The following PPP2R2A variants were observed in gnomAD, a reference collection of about 807,000 sequenced individuals.
PPP2R2A encodes protein phosphatase 2 regulatory subunit Balpha.
In PPP2R2A, 9 loss-of-function variants were observed where a neutral mutation model predicts 53.2. The observed-to-expected ratio is 0.17, with a 90% CI of 0.10 to 0.30. The LOEUF (loss-of-function observed/expected upper bound fraction) is 0.30. PPP2R2A is among the 10% of genes least tolerant of loss of function. The probability of loss-of-function intolerance (pLI) is 1.00; values close to 1 mark genes in which losing one functional copy is unlikely to be tolerated. For missense variants in PPP2R2A, 235 were observed against 534.6 expected (o/e 0.44, Z 5.53); for synonymous variants, 169 against 174.2 (o/e 0.97, Z 0.23).
chr8:26,366,588 A>T (rs1441227758), intron 9 of PPP2R2A, among the ~76,000 whole-genome samples, 182 bp downstream of exon 9: 2 of 152,248 alleles, frequency 1.3e-5, no homozygotes, highest in African/African-American at 4.8e-5. Context: ...ATATAAAAGT[A>T]CACAAATTCT....
intron 2 of PPP2R2A, among the ~76,000 whole-genome samples, chr8:26,331,577 T>C (rs556829611): frequency 3.3e-5 from 5 of 152,188 alleles, no homozygotes; most frequent in Non-Finnish European, 7.4e-5. Context: ...CTAGTAGAGC[T>C]TTACAGGAAG....
chr8:26,291,892 C>A, intron 1 of PPP2R2A, 66 bp downstream of exon 1: 3 of 1,593,046 alleles, frequency 1.9e-6, no homozygotes, highest in Non-Finnish European at 2.6e-6. Context: ...TCCATCACCC[C>A]CTAGCGACCG....
chr8:26,327,451 CT>C (rs1159410306), intron 2 of PPP2R2A, among the ~76,000 whole-genome samples: 1 of 152,182 alleles, frequency 6.6e-6, no homozygotes, highest in Non-Finnish European at 1.5e-5. Context: ...GCTTTATTCA[CT>C]TTTAAGGAGG....
At chr8:26,336,992 A>G (rs1052470971) in intron 2 of PPP2R2A, among the ~76,000 whole-genome samples, 2 of 152,012 alleles carry the variant, frequency 1.3e-5, no homozygotes, top group African/African-American at 4.8e-5. Flanking sequence ...TTACTAAGTG[A>G]TAGTTGTAAC....
intron 9 of PPP2R2A, among the ~76,000 whole-genome samples, chr8:26,367,231 GAGTTCTGTTAAT>G (rs1318674455): frequency 6.6e-6 from 1 of 152,032 alleles, no homozygotes; most frequent in Non-Finnish European, 1.5e-5. Context: ...AGTAAACCTA[GAGTTCTGTTAAT>G]AGCAAACATT....
intron 1 of PPP2R2A, chr8:26,292,485 A>T: frequency 1.0e-6 from 1 of 968,588 alleles, no homozygotes; most frequent in Non-Finnish European, 1.2e-6. Context: ...TGCGTTTAGC[A>T]TGTTAGCTTT....
At chr8:26,347,870 T>C (rs897523210) in intron 3 of PPP2R2A, among the ~76,000 whole-genome samples, 4 of 152,186 alleles carry the variant, frequency 2.6e-5, no homozygotes, top group Non-Finnish European at 5.9e-5. Context: ...ACTATCGTTA[T>C]CATTAGTTTA....
intron 3 of PPP2R2A, among the ~76,000 whole-genome samples, chr8:26,348,217 C>T (rs1303862625): frequency 6.6e-6 from 1 of 152,082 alleles, no homozygotes; most frequent in Non-Finnish European, 1.5e-5. Flanking sequence ...AAGTAAAATA[C>T]ATTTATTATT....
chr8:26,354,350 A>G lies in PPP2R2A; in HGVS notation c.181-118A>G, dbSNP rs1563318860. 1.3e-6 allele frequency: 1 copy of G among 741,748 alleles called. No individual in the cohort carries two copies. Among genetic ancestry groups the G allele is most frequent in the African/African-American group, 1.8e-5 (1 of 55,202 alleles). The allele number at this position is 741,748 out of a possible 1,614,324, so 45.9% of individuals were successfully genotyped here. ...AATATAAAAAACAGAATGTAATTGT[A>G]TAAAGACACAACTAATGGGGTATTG... On this transcript the variant is annotated intron_variant, in intron 3 of 9. Transcript: ENST00000380737. The surrounding 1 kb of genome is among the most constrained non-coding windows in gnomAD (Gnocchi z 4.6).
chr8:26,364,429 T>G (rs17055163), intron 8 of PPP2R2A, among the ~76,000 whole-genome samples: 30,722 of 152,104 alleles, frequency 0.2, 3,450 homozygotes, highest in African/African-American at 0.31. Context: ...AGTTCTTGAT[T>G]CTCTTATCAG....
intron 3 of PPP2R2A, among the ~76,000 whole-genome samples, chr8:26,353,478 TC>T (rs1380375388): frequency 1.3e-5 from 2 of 152,236 alleles, no homozygotes; most frequent in Non-Finnish European, 2.9e-5. Flanking sequence ...TCTAAACATT[TC>T]ACTGGGTAAC....
At chr8:26,300,778 G>T (rs1801744816) in intron 2 of PPP2R2A, among the ~76,000 whole-genome samples, 1 of 152,192 alleles carries the variant, frequency 6.6e-6, no homozygotes, top group African/African-American at 2.4e-5. Context: ...TTGAACCTGG[G>T]AGGTGGAGGT....
chr8:26,319,806 T>G (rs975560117), intron 2 of PPP2R2A, among the ~76,000 whole-genome samples: 1 of 152,190 alleles, frequency 6.6e-6, no homozygotes, highest in African/African-American at 2.4e-5. Context: ...TGGAATGTCT[T>G]TTCATTTATT....
At chr8:26,364,676 T>TA (rs1805275992) in intron 8 of PPP2R2A, among the ~76,000 whole-genome samples, 1 of 152,244 alleles carries the variant, frequency 6.6e-6, no homozygotes, top group Admixed American at 6.5e-5. Flanking sequence ...TTGTTTTTGA[T>TA]ACGTGAAATT....
chr8:26,370,503 G>C lies in PPP2R2A; in HGVS notation c.*90G>C. 2 of 1,430,218 alleles carry C rather than the reference G, an allele frequency of 1.4e-6. No homozygotes were observed. The highest frequency in any genetic ancestry group is 2.6e-5 in the South Asian group (2 of 77,384). 88.6% of individuals were successfully genotyped at this position (1,430,218 alleles called of 1,614,324 possible). Reference sequence around the variant, plus strand: ...TTCCTATAAAAGAGAGAGGTCCATTGTGGCGCCCCTTTCCAGTGTTTGACA... The same window carrying C: ...TTCCTATAAAAGAGAGAGGTCCATTCTGGCGCCCCTTTCCAGTGTTTGACA... On this transcript the variant is annotated 3_prime_UTR_variant, in exon 10 of 10. Transcript: ENST00000380737. The surrounding 1 kb of genome is among the most constrained non-coding windows in gnomAD (Gnocchi z 6.1).
intron 2 of PPP2R2A, among the ~76,000 whole-genome samples, chr8:26,296,987 A>G (rs780018123): frequency 2.4e-4 from 37 of 152,272 alleles, no homozygotes; most frequent in South Asian, 6.2e-4. Flanking sequence ...CACTGGGGAT[A>G]AGTACTCTCC....
chr8:26,370,224 C>A lies in PPP2R2A; in HGVS notation c.1155C>A (p.Asn385Lys). 1 of 1,614,114 alleles carries A rather than the reference C, an allele frequency of 6.2e-7. No individual in the cohort carries two copies. The highest frequency in any genetic ancestry group is 8.5e-7 in the Non-Finnish European group (1 of 1,180,022). The change falls in exon 10 of 10, where the codon AAC (asparagine) becomes AAA (lysine). Residue 385 changes from asparagine to lysine, a missense_variant. Physicochemically the swap from Asn to Lys is moderately conservative, Grantham distance 94. Transcript: ENST00000380737. The surrounding 1 kb of genome is among the most constrained non-coding windows in gnomAD (Gnocchi z 6.1). ...RDITLEASRE[N>K]NKPRTVLKPR... ...TAACCCTAGAAGCATCGCGGGAAAA[C>A]AATAAGCCTCGCACAGTTCTGAAGC...
At chr8:26,368,057 A>C (rs1805468763) in intron 9 of PPP2R2A, among the ~76,000 whole-genome samples, 1 of 152,234 alleles carries the variant, frequency 6.6e-6, no homozygotes, top group Non-Finnish European at 1.5e-5. Context: ...ATGCTGGCCT[A>C]ATGATACCTT....
At chr8:26,315,735 C>T (rs1802520425) in intron 2 of PPP2R2A, among the ~76,000 whole-genome samples, 1 of 152,158 alleles carries the variant, frequency 6.6e-6, no homozygotes, top group Admixed American at 6.5e-5. Flanking sequence ...TATTTTTCAG[C>T]ACATTGGTTG....
Sources: gnomAD v4.1 joint callset for allele counts (sites outside exome capture counted in the v4.1 genomes callset) on GRCh38, gnomAD v4.1.1 for gene constraint, Gnocchi (gnomAD v3.1) non-coding constraint, MANE v1.5 for transcripts, NCBI Gene and HGNC (gene_info 2026-07-23, HGNC 2026-07-21) for gene names.